The following MAN1B1 variants were observed in gnomAD, a reference collection of about 807,000 sequenced individuals.
The protein encoded by MAN1B1 is mannosidase alpha class 1B member 1, also known as endoplasmic reticulum mannosyl-oligosaccharide 1,2-alpha-mannosidase.
Under a neutral mutation model 75.5 loss-of-function variants are expected in MAN1B1, and 66 were observed. The observed-to-expected ratio is 0.87, with a 90% CI of 0.72 to 1.07. The LOEUF (loss-of-function observed/expected upper bound fraction) is 1.07, where lower values mean the gene tolerates loss of function less well. Among genes scored for constraint, MAN1B1 ranks in the 50% least tolerant of loss-of-function variants. The pLI, the probability that MAN1B1 is intolerant of heterozygous loss-of-function variation, is 0.00. For synonymous variants in MAN1B1, 453 were observed against 382.8 expected, an observed-to-expected ratio of 1.18 and a Z score of -2.14; for missense variants, 973 against 912.5, an observed-to-expected ratio of 1.07 and a Z score of -0.85.
chr9:137,100,868 C>T lies in MAN1B1; in HGVS notation c.917-137C>T, dbSNP rs563403138. The T allele has an allele frequency of 1.7e-5, 16 of 937,294 alleles. No individual in the cohort carries two copies. In the East Asian group the frequency reaches 2.1e-4, roughly 12 times the overall value. The allele number at this position is 937,294 out of a possible 1,614,324, so 58.1% of individuals were successfully genotyped here. On this transcript the variant is annotated intron_variant, in intron 6 of 12. Transcript: ENST00000371589. Reference sequence around the variant, plus strand: ...CTCCTGGGCTCAAGCAATCCACTTGCCTCAGCCTCCCAAAGTGCTGGGATT... The same window carrying T: ...CTCCTGGGCTCAAGCAATCCACTTGTCTCAGCCTCCCAAAGTGCTGGGATT...
At chr9:137,102,225 C>A (rs543998484) in intron 8 of MAN1B1, 42 of 430,810 alleles carry the variant, frequency 9.7e-5, no homozygotes, top group African/African-American at 9.3e-4. Context: ...GTGTGCAGGT[C>A]GGTGGTGGTA....
intron 5 of MAN1B1, among the ~76,000 whole-genome samples, chr9:137,098,526 G>C (rs1289176516): frequency 6.6e-6 from 1 of 152,194 alleles, no homozygotes; most frequent in East Asian, 1.9e-4. Context: ...CTCTGAGGTG[G>C]GGAGGGAGCC....
chr9:137,108,170 C>T (rs1265995820), intron 12 of MAN1B1: 6 of 615,158 alleles, frequency 9.8e-6, no homozygotes, highest in South Asian at 5.8e-5. Flanking sequence ...CTGGGGGAGG[C>T]GGTTTCTGTC....
chr9:137,102,984 CGGT>C (rs1167862429), intron 8 of MAN1B1: 2 of 410,848 alleles, frequency 4.9e-6, no homozygotes, highest in East Asian at 8.1e-5. Context: ...GCGTGCAGGT[CGGT>C]GGTCTTACAT....
At chr9:137,099,523 G>A (rs1830747011) in intron 5 of MAN1B1, among the ~76,000 whole-genome samples, 173 bp from the exon 6 acceptor site, 1 of 152,270 alleles carries the variant, frequency 6.6e-6, no homozygotes, top group Non-Finnish European at 1.5e-5. Flanking sequence ...GGGGGCTGCT[G>A]CAGCCTCTGT....
chr9:137,087,500 C>T (rs1312463925), intron 1 of MAN1B1: 8 of 644,092 alleles, frequency 1.2e-5, no homozygotes, highest in Non-Finnish European at 2.0e-5. Flanking sequence ...TCTGCAAGGT[C>T]CTGGCCCAGG....
chr9:137,102,349 G>T, intron 8 of MAN1B1: 1 of 435,196 alleles, frequency 2.3e-6, no homozygotes, highest in Non-Finnish European at 4.6e-6. Flanking sequence ...GTGCAGGTCG[G>T]TGGTGTTACA....
rs1345720510 is a variant in MAN1B1, at chr9:137,107,590, C to A, written c.1824C>A (p.Tyr608Ter). ...CCGTGGAGAGCCTGTTCTACCTGTA[C>A]CGCGTCACAGGGGACCGCAAATACC... The part of the protein sequence containing the change: ...PETVESLFYL[Y>*]RVTGDRKYQD... The change falls in exon 12 of 13, where the codon TAC (tyrosine) becomes TAA (stop). Residue 608 changes from tyrosine to a stop codon, truncating the protein, a stop_gained. Coordinates refer to ENST00000371589, the MANE Select transcript of MAN1B1 (RefSeq NM_016219.5). LOFTEE classifies it high-confidence loss of function. 6.2e-6 allele frequency: 10 copies of A among 1,612,196 alleles called. No homozygotes were observed. The highest frequency in any genetic ancestry group is 8.5e-6 in the Non-Finnish European group (10 of 1,179,984).
Position 137,108,701 on chromosome 9 carries a change from T to C in MAN1B1, c.*110T>C. 1 of 1,009,158 alleles carries C rather than the reference T, an allele frequency of 9.9e-7. No homozygotes were observed. Among genetic ancestry groups the C allele is most frequent in the Non-Finnish European group, 1.6e-6 (1 of 638,752 alleles). The allele number at this position is 1,009,158 out of a possible 1,614,324, so 62.5% of individuals were successfully genotyped here. On this transcript the variant is annotated 3_prime_UTR_variant, in exon 13 of 13. Transcript: ENST00000371589. ...CCGGCAACCGCCAAGTGGCCCAGGC[T>C]CTGAACTGGCTCTGGGCTCCTCCTC...
At chr9:137,104,056 G>C in intron 8 of MAN1B1, 1 of 457,464 alleles carries the variant, frequency 2.2e-6, no homozygotes, top group Non-Finnish European at 4.4e-6. Flanking sequence ...CATTCATGCT[G>C]TTGTGCAGCT....
intron 6 of MAN1B1, among the ~76,000 whole-genome samples, chr9:137,100,142 C>A (rs1830769572): frequency 6.6e-6 from 1 of 152,226 alleles, no homozygotes; most frequent in African/African-American, 2.4e-5. Flanking sequence ...AAGGGACATT[C>A]CCAGGCTGTG....
intron 8 of MAN1B1, chr9:137,103,201 G>A (rs1160776130): frequency 2.3e-6 from 1 of 443,842 alleles, no homozygotes; most frequent in East Asian, 7.3e-5. Flanking sequence ...CACTGTTGCA[G>A]GCGTGCAGGT....
chr9:137,103,336 A>C, intron 8 of MAN1B1: 1 of 422,066 alleles, frequency 2.4e-6, no homozygotes. Context: ...GTGGTGTTAC[A>C]CATTTTCACG....
chr9:137,105,748 G>A (rs761323675), intron 8 of MAN1B1: 3 of 414,100 alleles, frequency 7.2e-6, no homozygotes, highest in Non-Finnish European at 9.4e-6. Context: ...TCAGAAGGCA[G>A]GCACACTTGC....
At chr9:137,099,631 G>A in intron 5 of MAN1B1, 65 bp from the exon 6 acceptor site, 1 of 1,545,874 alleles carries the variant, frequency 6.5e-7, no homozygotes, top group South Asian at 1.1e-5. Context: ...TCTGCCTGAG[G>A]GTGTCCATCT....
At chr9:137,108,304 T>G in intron 12 of MAN1B1, 84 bp from the exon 13 acceptor site, 17 of 1,197,466 alleles carry the variant, frequency 1.4e-5, no homozygotes, top group Non-Finnish European at 2.0e-5. Context: ...ACATTCACCA[T>G]GGGGTGGAGA....
chr9:137,106,601 G>A, intron 9 of MAN1B1, 88 bp from the exon 10 acceptor site: 6 of 1,595,066 alleles, frequency 3.8e-6, no homozygotes, highest in Non-Finnish European at 4.3e-6. Flanking sequence ...TGCTGTACTT[G>A]TGTGGGCCCA....
chr9:137,101,387 A>G (rs1043239306), intron 7 of MAN1B1, 97 bp from the exon 8 acceptor site: 67 of 1,264,694 alleles, frequency 5.3e-5, no homozygotes, highest in Non-Finnish European at 6.9e-5. Flanking sequence ...TGTTGACCCC[A>G]GAGAGCCTTC....
Position 137,104,311 on chromosome 9 carries a change from C to T in MAN1B1, c.1255-1814C>T, listed in dbSNP as rs571315470. The T allele has an allele frequency of 4.8e-5, 16 of 330,268 alleles. No individual in the cohort carries two copies. In the East Asian group the frequency reaches 5.3e-4, roughly 11 times the overall value. The allele number at this position is 330,268 out of a possible 1,614,324, so 20.5% of individuals were successfully genotyped here. A position where few individuals can be genotyped will look rare whatever the true frequency, so the allele number is the denominator to read the frequency against. On this transcript the variant is annotated intron_variant, in intron 8 of 12. Transcript: ENST00000371589. ...AGTGCAGTGGCGTGATCTCAGCTCA[C>T]TGCAACCTCCACTCCCAGGTTCAAG...
Sources: allele counts gnomAD v4.1 joint callset (sites outside exome capture counted in the v4.1 genomes callset), GRCh38; gene constraint gnomAD v4.1.1; transcripts MANE v1.5; gene names NCBI Gene and HGNC (gene_info 2026-07-23, HGNC 2026-07-21).